Variants in RGPD4 observed in about 807,000 individuals in gnomAD.
The protein encoded by RGPD4 is RANBP2 like and GRIP domain containing 4.
A neutral mutation model predicts 141.1 loss-of-function variants in RGPD4; 84 were observed. That is an observed-to-expected ratio of 0.60 (90% CI 0.50 to 0.71). The LOEUF (loss-of-function observed/expected upper bound fraction) is 0.71, where lower values mean the gene tolerates loss of function less well. Among genes scored for constraint, RGPD4 ranks in the 30% least tolerant of loss-of-function variants. RGPD4 has a pLI of 0.00. For synonymous variants in RGPD4, 298 were observed against 566.8 expected (o/e 0.53, Z 6.74); for missense variants, 918 against 1,622.4 (o/e 0.57, Z 7.46).
At chr2:107,863,692 C>T (rs1682635416) in intron 17 of RGPD4, among the ~76,000 whole-genome samples, 1 of 151,768 alleles carries the variant, frequency 6.6e-6, no homozygotes, top group Admixed American at 6.6e-5. Flanking sequence ...AGAGTTTCAC[C>T]ATGTTGGCCA....
intron 1 of RGPD4, 143 bp downstream of exon 1, chr2:107,827,228 C>A (rs1399189452): frequency 2.0e-6 from 1 of 494,374 alleles, no homozygotes; most frequent in Non-Finnish European, 3.1e-6. Flanking sequence ...GAGGCGGCGG[C>A]CTCGACCCGG....
chr2:107,877,267 TGTG>T (rs1473703275), intron 20 of RGPD4, among the ~76,000 whole-genome samples: 4 of 150,422 alleles, frequency 2.7e-5, no homozygotes, highest in Non-Finnish European at 5.9e-5. Context: ...CCCAGCTACT[TGTG>T]GGGCTGAGGT....
intron 8 of RGPD4, among the ~76,000 whole-genome samples, chr2:107,855,557 T>A (rs1404371877): frequency 6.6e-6 from 1 of 151,672 alleles, no homozygotes; most frequent in Non-Finnish European, 1.5e-5. Context: ...CCTCTGTAAG[T>A]GTGCTGAGAC....
At position 107,883,699 on chromosome 2, in the gene RGPD4, T is replaced by C. The variant is rs1332664928; in HGVS notation, c.5266+826T>C. 3.3e-5 allele frequency among the ~76,000 whole-genome samples: 5 copies of C among 149,324 alleles called. No individual in the cohort carries two copies. In the East Asian group the frequency reaches 7.8e-4, roughly 23 times the overall value. ...TTTCCATGTCAGATGGATTTAATACTGTGATGTCATTAACTTCTTTGAAAT... is the reference window on the plus strand; with the variant it reads ...TTTCCATGTCAGATGGATTTAATACCGTGATGTCATTAACTTCTTTGAAAT... On this transcript the variant is annotated intron_variant, in intron 22 of 22. Coordinates refer to ENST00000408999, the MANE Select transcript of RGPD4 (RefSeq NM_182588.3).
chr2:107,888,303 C>T (rs1392534799), intron 22 of RGPD4, among the ~76,000 whole-genome samples: 2 of 135,646 alleles, frequency 1.5e-5, no homozygotes, highest in East Asian at 4.0e-4. Flanking sequence ...TCTGAGAACA[C>T]AGCAAAATTT....
At position 107,833,273 on chromosome 2, in the gene RGPD4, A is replaced by G. The variant is rs536879702; in HGVS notation, c.73-3329A>G. Among the ~76,000 whole-genome samples, 362 of 152,274 alleles carry G rather than the reference A, an allele frequency of 2.4e-3. 1 individual carries two copies. Among genetic ancestry groups the G allele is most frequent in the African/African-American group, 8.3e-3 (344 of 41,546 alleles). ...GAGAGAAATTTAGAACTGCATAATG[A>G]AAAAGTAGGCCACAAATGTTAAGTT... On this transcript the variant is annotated intron_variant, in intron 1 of 22. Coordinates refer to ENST00000408999, the MANE Select transcript of RGPD4 (RefSeq NM_182588.3).
At chr2:107,869,743 A>T in intron 18 of RGPD4, 140 bp from the exon 19 acceptor site, 1 of 542,736 alleles carries the variant, frequency 1.8e-6, no homozygotes. Flanking sequence ...GTGTATTTTG[A>T]TGTACAGAAA....
intron 1 of RGPD4, among the ~76,000 whole-genome samples, chr2:107,828,127 G>C (rs1214662043): frequency 1.6e-4 from 2 of 12,752 alleles, no homozygotes; most frequent in Admixed American, 8.0e-4. Context: ...GACCTGGCCC[G>C]GCGGCGGCCT....
At chr2:107,847,872 C>A in intron 6 of RGPD4, among the ~76,000 whole-genome samples, 1 of 115,866 alleles carries the variant, frequency 8.6e-6, no homozygotes, top group Non-Finnish European at 1.8e-5. Context: ...CTGTAATGAT[C>A]TATATAGTAA....
At chr2:107,873,564 A>C in intron 20 of RGPD4, among the ~76,000 whole-genome samples, 1 of 130,544 alleles carries the variant, frequency 7.7e-6, no homozygotes, top group African/African-American at 3.2e-5. Context: ...AGTGACTGAG[A>C]CTTTGTCTCC....
chr2:107,888,451 C>G (rs1489190325), intron 22 of RGPD4, among the ~76,000 whole-genome samples: 2 of 151,234 alleles, frequency 1.3e-5, no homozygotes, highest in African/African-American at 4.9e-5. Context: ...TCACTTGGAA[C>G]ACATAACCAG....
intron 21 of RGPD4, among the ~76,000 whole-genome samples, chr2:107,881,636 T>C (rs1675369574): frequency 6.6e-6 from 1 of 150,776 alleles, no homozygotes; most frequent in Non-Finnish European, 1.5e-5. Context: ...TTTTCATAAA[T>C]TTATACTCTC....
At chr2:107,884,107 G>A (rs1419367381) in intron 22 of RGPD4, among the ~76,000 whole-genome samples, 26 of 151,356 alleles carry the variant, frequency 1.7e-4, no homozygotes, top group Admixed American at 5.9e-4. Flanking sequence ...GCTTTATTTT[G>A]TTGTTGTGTT....
intron 9 of RGPD4, among the ~76,000 whole-genome samples, chr2:107,858,218 A>T (rs1469431038): frequency 6.6e-6 from 1 of 151,876 alleles, no homozygotes; most frequent in Non-Finnish European, 1.5e-5. Flanking sequence ...CAACTTTTCC[A>T]CTGTTAATAA....
intron 4 of RGPD4, among the ~76,000 whole-genome samples, chr2:107,840,328 T>G (rs1334051809): frequency 6.6e-6 from 1 of 152,254 alleles, no homozygotes; most frequent in Non-Finnish European, 1.5e-5. Flanking sequence ...TTTCATTGTT[T>G]TTGAGACGGA....
chr2:107,883,056 C>T lies in RGPD4; in HGVS notation c.5266+183C>T, dbSNP rs540190748. ...TTAACATCTTGGGGCAACTGTAGTA[C>T]ATTTATATAATTTTAACGTTCAGCA... On this transcript the variant is annotated intron_variant, in intron 22 of 22. Coordinates refer to ENST00000408999, the MANE Select transcript of RGPD4 (RefSeq NM_182588.3). 1.2e-5 allele frequency: 12 copies of T among 1,039,932 alleles called. No homozygotes were observed. In the East Asian group the frequency reaches 2.7e-4, roughly 24 times the overall value. 64.4% of individuals were successfully genotyped at this position (1,039,932 alleles called of 1,614,324 possible). A position where few individuals can be genotyped will look rare whatever the true frequency, so the allele number is the denominator to read the frequency against.
intron 6 of RGPD4, among the ~76,000 whole-genome samples, chr2:107,847,088 A>G (rs1302845880): frequency 1.3e-5 from 2 of 149,710 alleles, no homozygotes; most frequent in African/African-American, 4.9e-5. Flanking sequence ...TAAAAATACA[A>G]AAAATTAGCC....
chr2:107,871,927 A>T lies in RGPD4; in HGVS notation c.3923A>T (p.Lys1308Met), dbSNP rs1002529695. Residue 1308 changes from lysine to methionine, a missense_variant, in exon 20 of 23, where the codon AAG becomes ATG. Lys to Met is a moderately conservative substitution (Grantham distance 95). Transcript: ENST00000408999. ...TTGAGTCCATCTAAGTCTCCTGCCA[A>T]GTTGAATCAGAGTGGGACTTCAGTT... ...SALSPSKSPA[K>M]LNQSGTSVGT... The T allele has an allele frequency of 1.9e-6, 3 of 1,611,468 alleles. No homozygotes were observed. Among genetic ancestry groups the T allele is most frequent in the Non-Finnish European group, 2.5e-6 (3 of 1,179,852 alleles).
intron 1 of RGPD4, among the ~76,000 whole-genome samples, chr2:107,831,732 G>A (rs1224278476): frequency 1.4e-5 from 2 of 146,988 alleles, no homozygotes; most frequent in Non-Finnish European, 3.0e-5. Context: ...CACAACACCC[G>A]GCTAATTTTT....
Sources: allele counts gnomAD v4.1 joint callset (sites outside exome capture counted in the v4.1 genomes callset), GRCh38; gene constraint gnomAD v4.1.1; transcripts MANE v1.5; gene names NCBI Gene and HGNC (gene_info 2026-07-23, HGNC 2026-07-21).